The following HYAL1 variants were observed in gnomAD, a reference collection of about 807,000 sequenced individuals.
HYAL1 encodes the protein hyaluronidase-1.
Under a neutral mutation model 28.8 loss-of-function variants are expected in HYAL1, and 21 were observed. The observed-to-expected ratio is 0.73, with a 90% confidence interval of 0.52 to 1.05. HYAL1 has a LOEUF of 1.05. HYAL1 is among the 50% of genes least tolerant of loss of function. HYAL1 has a pLI of 0.00. For missense variants in HYAL1, 491 were observed against 579.2 expected (o/e 0.85, Z 1.56); for synonymous variants, 200 against 230.1 (o/e 0.87, Z 1.18).
chr3:50,305,550 T>G (rs1702321328), upstream of HYAL1, among the ~76,000 whole-genome samples: 1 of 149,208 alleles, frequency 6.7e-6, no homozygotes, highest in Non-Finnish European at 1.5e-5. Context: ...GCCTAATTTT[T>G]TTTTAGATGA....
At chr3:50,301,639 G>GAAAAAAAA (rs1559818250) in intron 2 of HYAL1, among the ~76,000 whole-genome samples, 6 of 142,110 alleles carry the variant, frequency 4.2e-5, no homozygotes, top group African/African-American at 1.6e-4. Flanking sequence ...AAAAAAGGAT[G>GAAAAAAAA]AATGAATGGA....
intron 1 of HYAL1, among the ~76,000 whole-genome samples, chr3:50,311,168 T>A (rs1553714695): frequency 6.6e-6 from 1 of 150,468 alleles, no homozygotes. Flanking sequence ...CACTTCCCAG[T>A]AGGGGCAGCC....
intron 1 of HYAL1, among the ~76,000 whole-genome samples, chr3:50,311,804 C>G (rs1171594213): frequency 6.9e-6 from 1 of 143,910 alleles, no homozygotes; most frequent in Non-Finnish European, 1.5e-5. Context: ...CGGGCAGAGG[C>G]GCCCCTCACC....
chr3:50,302,376 C>T lies in HYAL1; in HGVS notation c.581G>A (p.Arg194His), dbSNP rs782692817. 5.3e-5 allele frequency: 85 copies of T among 1,613,816 alleles called. No individual in the cohort carries two copies. Among genetic ancestry groups the T allele is most frequent in the South Asian group, 1.4e-4 (13 of 91,090 alleles). The change falls in exon 2 of 4, where the codon CGT (arginine) becomes CAT (histidine). Residue 194 changes from arginine to histidine, a missense_variant. Physicochemically the swap from Arg to His is conservative, Grantham distance 29. Transcript: ENST00000395144. This position sits in a 1 kb window ranked among gnomAD's most constrained non-coding sequence, Gnocchi z 5.0. ...AGTLQLGRAL[R>H]PRGLWGFYGF... ...ATAGAAGCCCCAGAGGCCGCGAGGA[C>T]GCAGTGCCCGCCCCAGCTGGAGGGT...
At chr3:50,303,019 T>C in intron 1 of HYAL1, 39 bp from the exon 2 acceptor site, 1 of 1,461,696 alleles carries the variant, frequency 6.8e-7, no homozygotes, top group Non-Finnish European at 9.2e-7. Context: ...GGTTGCAAAG[T>C]CTCCGATTCC....
At chr3:50,310,827 G>A (rs1464672247) in intron 1 of HYAL1, among the ~76,000 whole-genome samples, 10 of 150,326 alleles carry the variant, frequency 6.7e-5, no homozygotes, top group East Asian at 5.9e-4. Context: ...GCCTTCAAGC[G>A]TCTGTTTAAC....
upstream of HYAL1, among the ~76,000 whole-genome samples, chr3:50,307,080 AAAT>A (rs1559824339): frequency 6.7e-6 from 1 of 150,166 alleles, no homozygotes; most frequent in South Asian, 2.1e-4. Flanking sequence ...AAAAAAAAAA[AAAT>A]AAGCCGGGTG....
Position 50,302,900 on chromosome 3 carries a change from G to A in HYAL1, c.57C>T (p.Ala19=). ...CALFLTLLDM[A]QGFRGPLLPN... is the part of the protein sequence containing the mutation. Reference sequence around the variant, plus strand: ...GTAGCAAGGGGCCCCTAAAGCCTTGGGCCATATCGAGTAAGGTCAGGAAGA... The same window carrying A: ...GTAGCAAGGGGCCCCTAAAGCCTTGAGCCATATCGAGTAAGGTCAGGAAGA... Residue 19 remains alanine (A), a synonymous_variant, in exon 2 of 4, where the codon GCC becomes GCT. Coordinates refer to ENST00000395144, the MANE Select transcript of HYAL1 (RefSeq NM_033159.4). This position sits in a 1 kb window ranked among gnomAD's most constrained non-coding sequence, Gnocchi z 5.0. 1 of 1,607,594 alleles carries A rather than the reference G, an allele frequency of 6.2e-7. No homozygotes were observed. The highest frequency in any genetic ancestry group is 2.2e-5 in the East Asian group (1 of 44,734).
Position 50,302,930 on chromosome 3 carries a change from G to A in HYAL1, c.27C>T (p.Cys9=), listed in dbSNP as rs781916060. 4.4e-6 allele frequency: 7 copies of A among 1,580,468 alleles called. No individual in the cohort carries two copies. The highest frequency in any genetic ancestry group is 2.3e-5 in the South Asian group (2 of 86,920). ...TATCGAGTAAGGTCAGGAAGAGGGC[G>A]CAGATGGGAAGCAGGTGGGCTGCCA... MAAHLLPI[C]ALFLTLLDMA... Residue 9 remains cysteine (C), a synonymous_variant, in exon 2 of 4, where the codon TGC becomes TGT. Coordinates refer to ENST00000395144, the MANE Select transcript of HYAL1 (RefSeq NM_033159.4). The surrounding 1 kb of genome is among the most constrained non-coding windows in gnomAD (Gnocchi z 5.0).
At chr3:50,304,296 A>AAAATATATAT (rs1553713686), upstream of HYAL1, among the ~76,000 whole-genome samples, 3 of 30,474 alleles carry the variant, frequency 9.8e-5, no homozygotes, top group Admixed American at 6.4e-4. Flanking sequence ...AAAAAAAAAA[A>AAAATATATAT]ATATATATAT....
In HYAL1 at chr3:50,302,217, T is replaced by C; in HGVS notation, c.740A>G (p.Tyr247Cys). 1 of 1,614,114 alleles carries C rather than the reference T, an allele frequency of 6.2e-7. No individual in the cohort carries two copies. Among genetic ancestry groups the C allele is most frequent in the Non-Finnish European group, 8.5e-7 (1 of 1,180,044 alleles). The change falls in exon 2 of 4, where the codon TAC (tyrosine) becomes TGC (cysteine). Residue 247 changes from tyrosine to cysteine, a missense_variant. Physicochemically the swap from Tyr to Cys is radical, Grantham distance 194. Coordinates refer to ENST00000395144, the MANE Select transcript of HYAL1 (RefSeq NM_033159.4). The surrounding 1 kb of genome is among the most constrained non-coding windows in gnomAD (Gnocchi z 5.0). ...TGTGCCCTCCAGCACTGCGGGCATGTAGATGCTGGGATAGAGGGCACGGCT... is the reference window on the plus strand; with the variant it reads ...TGTGCCCTCCAGCACTGCGGGCATGCAGATGCTGGGATAGAGGGCACGGCT... The part of the protein sequence containing the change: ...GQSRALYPSI[Y>C]MPAVLEGTGK...
At position 50,302,271 on chromosome 3, in the gene HYAL1, T is replaced by C; in HGVS notation, c.686A>G (p.Asn229Ser). ...GQCPSGIRAQ[N>S]DQLGWLWGQS... ...GCCCCACAGCCACCCTAGCTGGTCA[T>C]TTTGGGCACGGATGCCTGATGGGCA... is the stretch of plus-strand genomic sequence containing the variant. The change falls in exon 2 of 4, where the codon AAT (asparagine) becomes AGT (serine). Residue 229 changes from asparagine (N) to serine (S), a missense_variant. Physicochemically the swap from Asn to Ser is conservative, Grantham distance 46. Coordinates refer to ENST00000395144, the MANE Select transcript of HYAL1 (RefSeq NM_033159.4). This position sits in a 1 kb window ranked among gnomAD's most constrained non-coding sequence, Gnocchi z 5.0. The C allele has an allele frequency of 6.2e-7, 1 of 1,613,822 alleles. No individual in the cohort carries two copies. Among genetic ancestry groups the C allele is most frequent in the Non-Finnish European group, 8.5e-7 (1 of 1,180,006 alleles).
chr3:50,304,421 C>CA (rs1425270977), upstream of HYAL1, among the ~76,000 whole-genome samples: 1 of 138,856 alleles, frequency 7.2e-6, no homozygotes, highest in East Asian at 2.0e-4. Flanking sequence ...GGCAATGTAG[C>CA]AAGACCCCAT....
At chr3:50,307,874 C>A (rs1482445203), upstream of HYAL1, among the ~76,000 whole-genome samples, 3 of 147,286 alleles carry the variant, frequency 2.0e-5, no homozygotes, top group African/African-American at 7.8e-5. Context: ...CGGCTCACTG[C>A]AAGCTTGCCT....
At chr3:50,306,885 TCAACAA>T (rs587607761), upstream of HYAL1, among the ~76,000 whole-genome samples, 186 of 148,424 alleles carry the variant, frequency 1.3e-3, 4 homozygotes, top group Non-Finnish European at 1.6e-3. Context: ...AGACTCCATC[TCAACAA>T]CAACAACAAC....
In HYAL1 at chr3:50,302,161, C is replaced by T. The variant is rs782299729; in HGVS notation, c.796G>A (p.Val266Met). 1.1e-5 allele frequency: 17 copies of T among 1,614,080 alleles called. No homozygotes were observed. The highest frequency in any genetic ancestry group is 2.2e-5 in the East Asian group (1 of 44,894). The part of the protein sequence containing the change: ...GKSQMYVQHR[V>M]AEAFRVAVAA... ...ACAGCCACACGGAATGCCTCGGCCA[C>T]ACGGTGTTGCACATACATCTGTGAC... The change falls in exon 2 of 4, where the codon GTG becomes ATG. Residue 266 changes from valine (V) to methionine (M), a missense_variant. Transcript: ENST00000395144. This position sits in a 1 kb window ranked among gnomAD's most constrained non-coding sequence, Gnocchi z 5.0.
chr3:50,309,510 A>C (rs1403945737), intron 2 of HYAL1: 1 of 151,074 alleles, frequency 6.6e-6, no homozygotes, highest in Admixed American at 6.6e-5. Flanking sequence ...AACAGGACAC[A>C]ATTGGAGGAA....
At chr3:50,311,729 C>T (rs1447063532) in intron 1 of HYAL1, among the ~76,000 whole-genome samples, 3 of 146,792 alleles carry the variant, frequency 2.0e-5, no homozygotes, top group African/African-American at 7.6e-5. Context: ...CTGATCCCCC[C>T]ACCTCCCTCA....
Position 50,299,903 on chromosome 3 carries a change from C to G in HYAL1, c.*580G>C. 5.6e-6 allele frequency: 1 copy of G among 179,172 alleles called. No individual in the cohort carries two copies. Among genetic ancestry groups the G allele is most frequent in the Non-Finnish European group, 1.2e-5 (1 of 82,222 alleles). 11.1% of individuals were successfully genotyped at this position (179,172 alleles called of 1,614,324 possible). ...CAGTAAACAGCTAAGTAAATCATGA[C>G]TGCTTTATTTGCTGGACTGGTGCCT... is the stretch of plus-strand genomic sequence containing the variant. On this transcript the variant is annotated 3_prime_UTR_variant, in exon 4 of 4. Transcript: ENST00000395144.
Sources: gnomAD v4.1 joint callset for allele counts (sites outside exome capture counted in the v4.1 genomes callset) on GRCh38, gnomAD v4.1.1 for gene constraint, Gnocchi (gnomAD v3.1) non-coding constraint, MANE v1.5 for transcripts, NCBI Gene and HGNC (gene_info 2026-07-23, HGNC 2026-07-21) for gene names.